The following MN1 variants were observed in gnomAD, a reference collection of about 807,000 sequenced individuals.
MN1 encodes the protein transcriptional activator MN1.
In MN1, 19 loss-of-function variants were observed where a neutral mutation model predicts 86.9. The ratio of observed to expected loss-of-function variants is 0.22; its 90% CI spans 0.15 to 0.32. The LOEUF is 0.32. Ranked by LOEUF, MN1 falls within the 10% of genes least tolerant of loss-of-function variation. The pLI is 1.00. For synonymous variants in MN1, 928 were observed against 849.6 expected (o/e 1.09, Z -1.60); for missense variants, 1,841 against 1,862.0 (o/e 0.99, Z 0.21).
chr22:27,785,752 C>CA (rs566576505), intron 1 of MN1, among the ~76,000 whole-genome samples: 5 of 141,962 alleles, frequency 3.5e-5, no homozygotes, highest in African/African-American at 1.3e-4. Flanking sequence ...GTGTGCCCCC[C>CA]CCCCATGGCC....
chr22:27,780,808 C>G (rs1933044679), intron 1 of MN1, among the ~76,000 whole-genome samples: 1 of 152,242 alleles, frequency 6.6e-6, no homozygotes. Context: ...ATTTGTCTTT[C>G]TCCCCACTGC....
intron 1 of MN1, among the ~76,000 whole-genome samples, chr22:27,764,419 C>T (rs3819660): frequency 0.44 from 67,288 of 151,998 alleles, 16,085 homozygotes; most frequent in African/African-American, 0.63. Flanking sequence ...CCCAAGAAAT[C>T]CAGCTTAGTT....
In MN1 at chr22:27,800,158, T is replaced by C; in HGVS notation, c.386A>G (p.His129Arg). The C allele has an allele frequency of 6.4e-7, 1 of 1,551,520 alleles. No individual in the cohort carries two copies. The highest frequency in any genetic ancestry group is 1.4e-5 in the African/African-American group (1 of 72,878). Residue 129 changes from histidine (H) to arginine (R), a missense_variant, in exon 1 of 2, where the codon CAC becomes CGC. Coordinates refer to ENST00000302326, the MANE Select transcript of MN1 (RefSeq NM_002430.3). ...GCCGTAGCCGAGCAGGCGACCCCCG[T>C]GCAGGCACGAGGCCCCGGGGTCCGG... ...GGPDPGASCL[H>R]GGRLLGYGGA...
Position 27,799,698 on chromosome 22 carries a change from C to G in MN1, c.846G>C (p.Met282Ile). 2 of 1,560,398 alleles carry G rather than the reference C, an allele frequency of 1.3e-6. No homozygotes were observed. Among genetic ancestry groups the G allele is most frequent in the Non-Finnish European group, 8.7e-7 (1 of 1,153,104 alleles). Residue 282 changes from methionine (M) to isoleucine (I), a missense_variant, in exon 1 of 2, where the codon ATG (methionine) becomes ATC (isoleucine). By Grantham distance (10) the Met-to-Ile change is conservative. Coordinates refer to ENST00000302326, the MANE Select transcript of MN1 (RefSeq NM_002430.3). ...GASAMPRAAG[M>I]VGLSKMHAQP... ...GGGCGTGCATTTTGGACAAGCCCAC[C>G]ATGCCCGCAGCTCTGGGCATGGCCG...
intron 1 of MN1, among the ~76,000 whole-genome samples, chr22:27,767,041 G>T (rs1461629406): frequency 6.6e-6 from 1 of 152,016 alleles, no homozygotes; most frequent in Non-Finnish European, 1.5e-5. Flanking sequence ...AACCCTAATT[G>T]TGCTAAACTT....
rs549450628 is a variant in MN1 at position 27,748,775 on chromosome 22, T to C, written c.*2140A>G. 71 of 223,546 alleles carry C rather than the reference T, an allele frequency of 3.2e-4. No homozygotes were observed. Among genetic ancestry groups the C allele is most frequent in the East Asian group, 2.1e-3 (32 of 15,342 alleles). 13.8% of individuals were successfully genotyped at this position (223,546 alleles called of 1,614,324 possible). A position where few individuals can be genotyped will look rare whatever the true frequency, so the allele number is the denominator to read the frequency against. On this transcript the variant is annotated 3_prime_UTR_variant, in exon 2 of 2. Coordinates refer to ENST00000302326, the MANE Select transcript of MN1 (RefSeq NM_002430.3). ...TGAGGTTGCCAGGACCATGAGCTAATTGGCAAAGTGTTGATGACTCAACGC... is the reference window on the plus strand; with the variant it reads ...TGAGGTTGCCAGGACCATGAGCTAACTGGCAAAGTGTTGATGACTCAACGC...
At chr22:27,753,251 C>T (rs1932781192) in intron 1 of MN1, among the ~76,000 whole-genome samples, 1 of 152,194 alleles carries the variant, frequency 6.6e-6, no homozygotes. Flanking sequence ...CAGACACTAT[C>T]CCCACCCTCC....
Position 27,750,982 on chromosome 22 carries a change from G to A in MN1, c.3896C>T (p.Pro1299Leu). The A allele has an allele frequency of 2.5e-6, 4 of 1,613,106 alleles. No homozygotes were observed. Among genetic ancestry groups the A allele is most frequent in the South Asian group, 1.1e-5 (1 of 90,952 alleles). ...GTCAGAATGCAGGGACCGCCAGGTGGGCACGGAGGCTCGAGCCTTGGCGTC... is the reference window on the plus strand; with the variant it reads ...GTCAGAATGCAGGGACCGCCAGGTGAGCACGGAGGCTCGAGCCTTGGCGTC... ...VGDAKARASV[P>L]TWRSLHSDIS... is the part of the protein sequence containing the mutation. The change falls in exon 2 of 2, where the codon CCC becomes CTC. Residue 1299 changes from proline to leucine, a missense_variant. Coordinates refer to ENST00000302326, the MANE Select transcript of MN1 (RefSeq NM_002430.3).
chr22:27,781,935 C>A (rs540947507), intron 1 of MN1, among the ~76,000 whole-genome samples: 1 of 152,124 alleles, frequency 6.6e-6, no homozygotes, highest in Non-Finnish European at 1.5e-5. Flanking sequence ...ACCTGAGTTG[C>A]CAGACGCAGG....
chr22:27,753,788 A>G (rs1050681351), intron 1 of MN1, among the ~76,000 whole-genome samples: 5 of 152,194 alleles, frequency 3.3e-5, no homozygotes, highest in Non-Finnish European at 7.3e-5. Flanking sequence ...GATTCTGGCA[A>G]TACTGAGGCA....
At chr22:27,782,528 C>T (rs1933067722) in intron 1 of MN1, among the ~76,000 whole-genome samples, 1 of 152,186 alleles carries the variant, frequency 6.6e-6, no homozygotes, top group South Asian at 2.1e-4. Flanking sequence ...CACTGATGCC[C>T]TATATACGAA....
In MN1 at chr22:27,777,190, A is replaced by G. The variant is rs149364835; in HGVS notation, c.3781+19573T>C. Among the ~76,000 whole-genome samples, 69 of 152,366 alleles carry G rather than the reference A, an allele frequency of 4.5e-4. No homozygotes were observed. In the East Asian group the frequency reaches 0.013, roughly 29 times the overall value. ...CAAAATCGAGATGAAACCTCCGGTCAAATGGGTTTGCTCACCATAGCGTGG... is the reference window on the plus strand; with the variant it reads ...CAAAATCGAGATGAAACCTCCGGTCGAATGGGTTTGCTCACCATAGCGTGG... On this transcript the variant is annotated intron_variant, in intron 1 of 1. Coordinates refer to ENST00000302326, the MANE Select transcript of MN1 (RefSeq NM_002430.3).
chr22:27,786,112 C>T (rs1474703191), intron 1 of MN1, among the ~76,000 whole-genome samples: 2 of 152,170 alleles, frequency 1.3e-5, no homozygotes, highest in Non-Finnish European at 2.9e-5. Flanking sequence ...CCGAAAACAC[C>T]ATTTCTCAAA....
intron 1 of MN1, among the ~76,000 whole-genome samples, chr22:27,790,545 G>C (rs1032977649): frequency 6.6e-6 from 1 of 152,220 alleles, no homozygotes; most frequent in Non-Finnish European, 1.5e-5. Context: ...GGACACAGAG[G>C]GTCCCTGCAG....
chr22:27,800,561 G>A lies in MN1; in HGVS notation c.-18C>T. 6.2e-7 allele frequency: 1 copy of A among 1,611,738 alleles called. No individual in the cohort carries two copies. The highest frequency in any genetic ancestry group is 2.2e-5 in the East Asian group (1 of 44,854). On this transcript the variant is annotated 5_prime_UTR_variant, in exon 1 of 2. Transcript: ENST00000302326. ...CCAAACATACTTGGCGGGGGGCAGA[G>A]GGGGATCAATAGGGCATGACAGCCG... is the stretch of plus-strand genomic sequence containing the variant.
rs747477833 is a variant in MN1 at position 27,798,942 on chromosome 22, CTGT to C, written c.1599_1601del (p.Gln550del). 58 of 1,251,950 alleles carry C rather than the reference CTGT, an allele frequency of 4.6e-5. No individual in the cohort carries two copies. The African/African-American group carries it at 5.6e-4, about 12-fold the overall frequency. 77.6% of individuals were successfully genotyped at this position (1,251,950 alleles called of 1,614,324 possible). Reference sequence around the variant, plus strand: ...GTTGCTGTTGCTGCTGCTGCTGCTGCTGTTGCTGCTGCTGCTGCTGCTGCTGCT... The same window carrying C: ...GTTGCTGTTGCTGCTGCTGCTGCTGCTGCTGCTGCTGCTGCTGCTGCTGCT... On this transcript the variant is annotated inframe_deletion, in exon 1 of 2. Coordinates refer to ENST00000302326, the MANE Select transcript of MN1 (RefSeq NM_002430.3).
At chr22:27,790,721 T>A (rs972184864) in intron 1 of MN1, among the ~76,000 whole-genome samples, 2 of 151,832 alleles carry the variant, frequency 1.3e-5, no homozygotes, top group Non-Finnish European at 2.9e-5. Context: ...GGGGCACTGA[T>A]TCAAAGATTC....
Position 27,797,775 on chromosome 22 carries a change from G to T in MN1, c.2769C>A (p.Thr923=), listed in dbSNP as rs749689418. 3 of 1,606,782 alleles carry T rather than the reference G, an allele frequency of 1.9e-6. No homozygotes were observed. In the South Asian group the frequency reaches 3.3e-5, roughly 18 times the overall value. ...GDGTSLSPNY[T]LESTSGNDGK... Reference sequence around the variant, plus strand: ...CGTCATTCCCCGACGTGGATTCCAGGGTGTAGTTGGGGGAGAGGCTGGTGC... The same window carrying T: ...CGTCATTCCCCGACGTGGATTCCAGTGTGTAGTTGGGGGAGAGGCTGGTGC... The change falls in exon 1 of 2, where the codon ACC becomes ACA. Residue 923 remains threonine, a synonymous_variant. Coordinates refer to ENST00000302326, the MANE Select transcript of MN1 (RefSeq NM_002430.3).
At chr22:27,772,652 C>A (rs1016967487) in intron 1 of MN1, among the ~76,000 whole-genome samples, 3 of 152,082 alleles carry the variant, frequency 2.0e-5, no homozygotes, top group African/African-American at 7.2e-5. Flanking sequence ...TGAAGCCCTG[C>A]TAGGCTACTT....
Sources: allele counts gnomAD v4.1 joint callset (sites outside exome capture counted in the v4.1 genomes callset), GRCh38; gene constraint gnomAD v4.1.1; transcripts MANE v1.5; gene names NCBI Gene and HGNC (gene_info 2026-07-23, HGNC 2026-07-21).